KCNK2: variants seen among roughly 807,000 people sequenced by gnomAD.
The protein encoded by KCNK2 is potassium channel subfamily K member 2.
In KCNK2, 21 loss-of-function variants were observed where a neutral mutation model predicts 40.5. The observed-to-expected ratio is 0.52, with a 90% CI of 0.37 to 0.75. The LOEUF is 0.75. KCNK2 is among the 30% of genes least tolerant of loss of function. The pLI is 0.00. For synonymous variants in KCNK2, 191 were observed against 202.2 expected, an observed-to-expected ratio of 0.94 and a Z score of 0.47; for missense variants, 399 against 531.6, an observed-to-expected ratio of 0.75 and a Z score of 2.45.
intron 1 of KCNK2, among the ~76,000 whole-genome samples, chr1:215,039,923 C>T (rs1657509964): frequency 6.6e-6 from 1 of 152,094 alleles, no homozygotes; most frequent in African/African-American, 2.4e-5. Flanking sequence ...GGAATTTCTA[C>T]AGTGATTTAC....
chr1:215,210,310 A>G (rs540555609), intron 6 of KCNK2, among the ~76,000 whole-genome samples: 36 of 151,670 alleles, frequency 2.4e-4, no homozygotes, highest in Non-Finnish European at 4.9e-4. Flanking sequence ...CTACTGTTTC[A>G]TGTTCAGTAC....
At chr1:215,201,200 G>A (rs1250650245) in intron 6 of KCNK2, among the ~76,000 whole-genome samples, 1 of 152,146 alleles carries the variant, frequency 6.6e-6, no homozygotes, top group African/African-American at 2.4e-5. Flanking sequence ...CAAAGGCATC[G>A]AGGTTTTGAA....
At position 215,085,332 on chromosome 1, in the gene KCNK2, T is replaced by A. The variant is rs369960727; in HGVS notation, c.47-1036T>A. ...ATTCTATTAACCTTTTTTAGTTCAA[T>A]GTTGTCTTTCCACAAAATGTCCTGT... On this transcript the variant is annotated intron_variant, in intron 1 of 6. Transcript: ENST00000444842. Among the ~76,000 whole-genome samples, 21 of 152,324 alleles carry A rather than the reference T, an allele frequency of 1.4e-4. 1 individual carries two copies. In the East Asian group the frequency reaches 3.9e-3, roughly 28 times the overall value.
chr1:215,053,381 G>A (rs376368493), intron 1 of KCNK2, among the ~76,000 whole-genome samples: 1 of 152,146 alleles, frequency 6.6e-6, no homozygotes, highest in East Asian at 1.9e-4. Context: ...TGAGGCTCTG[G>A]CGTGGGCTAG....
chr1:215,084,600 T>G (rs915123748), intron 1 of KCNK2, among the ~76,000 whole-genome samples: 7 of 152,174 alleles, frequency 4.6e-5, no homozygotes, highest in Non-Finnish European at 7.3e-5. Flanking sequence ...ATTTTAACAG[T>G]TTTTTTTAAT....
chr1:215,192,950 G>C (rs895355848), intron 5 of KCNK2, among the ~76,000 whole-genome samples: 1 of 152,000 alleles, frequency 6.6e-6, no homozygotes, highest in African/African-American at 2.4e-5. Context: ...ATTTGAAAAT[G>C]TCATTATGAG....
At chr1:215,090,418 T>G (rs1659643501) in intron 2 of KCNK2, among the ~76,000 whole-genome samples, 1 of 152,210 alleles carries the variant, frequency 6.6e-6, no homozygotes, top group Non-Finnish European at 1.5e-5. Context: ...TAATAAATAT[T>G]TGATGTAAAG....
chr1:215,183,774 T>A (rs1664321526), intron 5 of KCNK2, among the ~76,000 whole-genome samples: 1 of 152,188 alleles, frequency 6.6e-6, no homozygotes, highest in Non-Finnish European at 1.5e-5. Context: ...GTAATTTAGT[T>A]TTAAGAGAGT....
intron 6 of KCNK2, among the ~76,000 whole-genome samples, chr1:215,223,519 G>A (rs1399758065): frequency 6.6e-6 from 1 of 152,046 alleles, no homozygotes; most frequent in African/African-American, 2.4e-5. Context: ...CAAGATTGTA[G>A]GACTGCAAGG....
In KCNK2 at chr1:215,093,328, C is replaced by T. The variant is rs1326514924; in HGVS notation, c.357+6650C>T. Among the ~76,000 whole-genome samples the T allele has an allele frequency of 5.0e-5, 7 of 140,378 alleles. No individual in the cohort carries two copies. In the East Asian group the frequency reaches 1.4e-3, roughly 28 times the overall value. The allele number at this position is 140,378 out of a possible 152,430, so 92.1% of individuals were successfully genotyped here. A position where few individuals can be genotyped will look rare whatever the true frequency, so the allele number is the denominator to read the frequency against. ...TTTAAAAGAAACATGAATATATATA[C>T]ATATATTAAATATACATATATATAA... On this transcript the variant is annotated intron_variant, in intron 2 of 6. Transcript: ENST00000444842.
At chr1:215,022,130 A>ATCTATCTAG (rs1558059696) in intron 1 of KCNK2, among the ~76,000 whole-genome samples, 235 of 17,284 alleles carry the variant, frequency 0.014, no homozygotes, top group East Asian at 0.02. Context: ...TATCTATCTA[A>ATCTATCTAG]TCATCTATCT....
chr1:215,083,499 A>G (rs1411595669), intron 1 of KCNK2, 68 bp downstream of exon 1: 2 of 1,168,482 alleles, frequency 1.7e-6, no homozygotes, highest in Non-Finnish European at 2.6e-6. Flanking sequence ...CTTTTCTGGG[A>G]GGACTGCAAA....
In KCNK2 at chr1:215,009,508, A is replaced by G. The variant is rs192247898; in HGVS notation, c.34+3553A>G. Among the ~76,000 whole-genome samples the G allele has an allele frequency of 5.3e-5, 8 of 152,146 alleles. 1 individual carries two copies. Among genetic ancestry groups the G allele is most frequent in the Admixed American group, 5.2e-4 (8 of 15,256 alleles). ...TGGAGAGAGAAGCTATGTTTACTTC[A>G]TTTGCTGCATAATGTGAATAATAAA... is the stretch of plus-strand genomic sequence containing the variant. On this transcript the variant is annotated intron_variant, in intron 1 of 6. Transcript: ENST00000391895.
chr1:215,022,975 A>C (rs1656860724), intron 1 of KCNK2, among the ~76,000 whole-genome samples: 1 of 152,232 alleles, frequency 6.6e-6, no homozygotes, highest in South Asian at 2.1e-4. Flanking sequence ...ATGGGTAAAA[A>C]GAATTACTAG....
intron 6 of KCNK2, among the ~76,000 whole-genome samples, chr1:215,205,080 G>A (rs542094534): frequency 4.6e-5 from 7 of 152,256 alleles, no homozygotes; most frequent in African/African-American, 1.7e-4. Flanking sequence ...TCTTTCTCCA[G>A]CAAAAGTGCT....
intron 2 of KCNK2, among the ~76,000 whole-genome samples, chr1:215,118,630 G>C (rs1661050720): frequency 6.6e-6 from 1 of 152,076 alleles, no homozygotes; most frequent in Non-Finnish European, 1.5e-5. Flanking sequence ...ACTGTTTCAG[G>C]AGCTGTGTTA....
At chr1:215,125,779 A>T (rs1472944470) in intron 3 of KCNK2, among the ~76,000 whole-genome samples, 2 of 77,768 alleles carry the variant, frequency 2.6e-5, no homozygotes, top group African/African-American at 3.1e-5. Context: ...TATATATATA[A>T]AATAAAATTT....
intron 6 of KCNK2, among the ~76,000 whole-genome samples, chr1:215,222,367 A>C (rs757757579): frequency 6.6e-6 from 1 of 152,182 alleles, no homozygotes; most frequent in Non-Finnish European, 1.5e-5. Context: ...TGATGACAAA[A>C]ATAAGTTGAG....
At chr1:215,079,319 C>T (rs899722974), upstream of KCNK2, among the ~76,000 whole-genome samples, 1 of 152,080 alleles carries the variant, frequency 6.6e-6, no homozygotes, top group Non-Finnish European at 1.5e-5. Context: ...TGGATTGATT[C>T]ACAGTTCTTC....
Sources: allele counts gnomAD v4.1 joint callset (sites outside exome capture counted in the v4.1 genomes callset), GRCh38; gene constraint gnomAD v4.1.1; transcripts MANE v1.5; gene names NCBI Gene and HGNC (gene_info 2026-07-23, HGNC 2026-07-21).